Variants in USP36 observed in about 807,000 individuals in gnomAD.
USP36 encodes ubiquitin carboxyl-terminal hydrolase 36.
USP36 carries 59 observed loss-of-function variants against 111.5 expected under a neutral mutation model. The observed-to-expected ratio is 0.53, with a 90% CI of 0.43 to 0.66. The LOEUF is 0.66. USP36 is among the 30% of genes least tolerant of loss of function. The pLI, the probability that USP36 is intolerant of heterozygous loss-of-function variation, is 0.00. For missense variants in USP36, 1,488 were observed against 1,468.0 expected, an observed-to-expected ratio of 1.01 and a Z score of -0.22; for synonymous variants, 628 against 581.0, an observed-to-expected ratio of 1.08 and a Z score of -1.16.
chr17:78,802,761 A>C (rs530149508), intron 16 of USP36, among the ~76,000 whole-genome samples: 2 of 152,256 alleles, frequency 1.3e-5, no homozygotes, highest in African/African-American at 4.8e-5. Context: ...AACTGAGCCA[A>C]GCCTGTTGAC....
At chr17:78,836,516 A>G (rs2145663246) in intron 2 of USP36, 144 bp from the exon 3 acceptor site, 1 of 1,112,510 alleles carries the variant, frequency 9.0e-7, no homozygotes, top group East Asian at 2.6e-5. Flanking sequence ...TCAGCTGCAC[A>G]AAGGAAACAG....
chr17:78,838,516 A>G (rs1393072379), intron 2 of USP36, 71 bp downstream of exon 2: 1 of 137,484 alleles, frequency 7.3e-6, no homozygotes, highest in Non-Finnish European at 1.5e-5. Flanking sequence ...CACCAACTGA[A>G]CAATCACTGC....
chr17:78,804,625 TAAAAAAAAAAAAA>T (rs35371422), intron 15 of USP36, among the ~76,000 whole-genome samples: 1 of 38,310 alleles, frequency 2.6e-5, no homozygotes, highest in East Asian at 7.5e-4. Context: ...CCCTGAGATT[TAAAAAAAAAAAAA>T]AAAAAAAAAA....
At chr17:78,831,593 AAC>A (rs759593926) in intron 4 of USP36, among the ~76,000 whole-genome samples, 115 of 152,270 alleles carry the variant, frequency 7.6e-4, no homozygotes, top group Non-Finnish European at 1.4e-3. Context: ...CAGCATAAGC[AAC>A]AGAGACTCTG....
At position 78,803,286 on chromosome 17, in the gene USP36, G is replaced by T; in HGVS notation, c.2810+99C>A. ...CACATTTTAGAAAACCACGCAAGCAGACTACGTTTCCAGACCATACCTACT... is the reference window on the plus strand; with the variant it reads ...CACATTTTAGAAAACCACGCAAGCATACTACGTTTCCAGACCATACCTACT... On this transcript the variant is annotated intron_variant, in intron 16 of 20. Transcript: ENST00000449938. This position sits in a 1 kb window ranked among gnomAD's most constrained non-coding sequence, Gnocchi z 4.6. 7.5e-7 allele frequency: 1 copy of T among 1,332,782 alleles called. No individual in the cohort carries two copies. Among genetic ancestry groups the T allele is most frequent in the Non-Finnish European group, 1.0e-6 (1 of 963,708 alleles). The allele number at this position is 1,332,782 out of a possible 1,614,324, so 82.6% of individuals were successfully genotyped here. A position where few individuals can be genotyped will look rare whatever the true frequency, so the allele number is the denominator to read the frequency against.
chr17:78,833,281 CTTT>C (rs974043084), intron 4 of USP36, among the ~76,000 whole-genome samples: 1 of 151,966 alleles, frequency 6.6e-6, no homozygotes, highest in Non-Finnish European at 1.5e-5. Context: ...ATCTTGTGTT[CTTT>C]TTTTTATGTT....
chr17:78,815,308 G>A (rs899151354), intron 10 of USP36, among the ~76,000 whole-genome samples: 4 of 152,100 alleles, frequency 2.6e-5, no homozygotes, highest in African/African-American at 9.7e-5. Context: ...CTCCAGCCTC[G>A]CAACAGAGCG....
chr17:78,806,152 T>G lies in USP36; in HGVS notation c.2216+4A>C. 1 of 1,613,176 alleles carries G rather than the reference T, an allele frequency of 6.2e-7. No homozygotes were observed. The highest frequency in any genetic ancestry group is 8.5e-7 in the Non-Finnish European group (1 of 1,179,830). ...CACCCAGAAGATCCCGGCCCAAAGC[T>G]TACCTGGCTCTATGGACGGGCCAAG... On this transcript the variant is annotated splice_donor_region_variant and intron_variant, in intron 15 of 20. Coordinates refer to ENST00000449938, the MANE Select transcript of USP36 (RefSeq NM_001385174.1).
At position 78,829,029 on chromosome 17, in the gene USP36, C is replaced by T. The variant is rs112525474; in HGVS notation, c.476-22G>A. 1.0e-4 allele frequency: 160 copies of T among 1,605,766 alleles called. No homozygotes were observed. The African/African-American group carries it at 1.8e-3, about 18-fold the overall frequency. On this transcript the variant is annotated intron_variant, in intron 4 of 20. Coordinates refer to ENST00000449938, the MANE Select transcript of USP36 (RefSeq NM_001385174.1). ...TGGCCTGCCGGCGTGGAAGGAGGAG[C>T]AATTTTAAGACAAGAGCTTTCAAAG...
At chr17:78,788,176 T>A (rs58031704) in intron 3 of USP36, among the ~76,000 whole-genome samples, 5,607 of 152,216 alleles carry the variant, frequency 0.037, 204 homozygotes, top group African/African-American at 0.093. Context: ...TTATTTATTT[T>A]TTTTTTTGAG....
chr17:78,827,170 C>T (rs745904026), intron 6 of USP36, 75 bp downstream of exon 6: 40 of 1,487,338 alleles, frequency 2.7e-5, no homozygotes, highest in Non-Finnish European at 3.4e-5. Context: ...CTGGCTGTTG[C>T]CATAGGAATG....
intron 6 of USP36, among the ~76,000 whole-genome samples, chr17:78,824,657 C>T (rs1275188039): frequency 1.3e-5 from 2 of 152,162 alleles, no homozygotes; most frequent in Non-Finnish European, 2.9e-5. Context: ...AGTAAATATG[C>T]TACCTATAAT....
intron 10 of USP36, among the ~76,000 whole-genome samples, chr17:78,815,849 ATATG>A (rs1201461830): frequency 7.5e-6 from 1 of 133,988 alleles, no homozygotes; most frequent in East Asian, 2.3e-4. Flanking sequence ...ACACACACAC[ATATG>A]CATGCATACA....
intron 3 of USP36, among the ~76,000 whole-genome samples, chr17:78,789,670 G>A (rs1317409957): frequency 1.3e-5 from 2 of 152,214 alleles, no homozygotes; most frequent in East Asian, 3.8e-4. Context: ...CTTAAAATCT[G>A]TTTGTAATGG....
intron 12 of USP36, among the ~76,000 whole-genome samples, chr17:78,813,413 C>T (rs2094114079): frequency 6.6e-6 from 1 of 152,198 alleles, no homozygotes; most frequent in East Asian, 1.9e-4. Context: ...AGCACCCCCA[C>T]AAACACGTCC....
At chr17:78,791,183 G>A (rs1046547840), downstream of USP36, among the ~76,000 whole-genome samples, 22 of 146,958 alleles carry the variant, frequency 1.5e-4, no homozygotes, top group Admixed American at 1.5e-3. Flanking sequence ...TGCCCAGGCT[G>A]GAATGCAATG....
rs1472178772 is a variant in USP36 at position 78,798,191 on chromosome 17, A to ATAG, written c.*20+208_*20+209insCTA. On this transcript the variant is annotated intron_variant, in intron 20 of 20. Coordinates refer to ENST00000449938, the MANE Select transcript of USP36 (RefSeq NM_001385174.1). This position sits in a 1 kb window ranked among gnomAD's most constrained non-coding sequence, Gnocchi z 5.1. The stretch of plus-strand genomic sequence containing the variant: ...ACACGCATCCCACACACACCCCCTT[A>ATAG]TACACACGCATCCCACACACACCCT... The ATAG allele has an allele frequency of 1.0e-5, 6 of 597,366 alleles. No homozygotes were observed. Among genetic ancestry groups the ATAG allele is most frequent in the Non-Finnish European group, 1.7e-5 (6 of 347,270 alleles). The allele number at this position is 597,366 out of a possible 1,614,324, so 37.0% of individuals were successfully genotyped here. A position where few individuals can be genotyped will look rare whatever the true frequency, so the allele number is the denominator to read the frequency against.
rs892482883 is a variant in USP36, at chr17:78,813,946, G to C, written c.1165-73C>G. The C allele has an allele frequency of 5.9e-6, 8 of 1,349,124 alleles. No individual in the cohort carries two copies. In the Admixed American group the frequency reaches 8.3e-5, roughly 14 times the overall value. 83.6% of individuals were successfully genotyped at this position (1,349,124 alleles called of 1,614,324 possible). A position where few individuals can be genotyped will look rare whatever the true frequency, so the allele number is the denominator to read the frequency against. ...CCCATTATCCTCACTTTTTAAAAAG[G>C]GAATAAAAAATCTGTTAGTTGCTAC... is the stretch of plus-strand genomic sequence containing the variant. On this transcript the variant is annotated intron_variant, in intron 11 of 20. Transcript: ENST00000449938.
At chr17:78,792,796 G>GC (rs2144840804), downstream of USP36, among the ~76,000 whole-genome samples, 1 of 152,186 alleles carries the variant, frequency 6.6e-6, no homozygotes, top group Non-Finnish European at 1.5e-5. Flanking sequence ...TTGGCTCACT[G>GC]CAACCTCCAC....
Sources: allele counts gnomAD v4.1 joint callset (sites outside exome capture counted in the v4.1 genomes callset), GRCh38; gene constraint gnomAD v4.1.1; non-coding constraint Gnocchi (gnomAD v3.1); transcripts MANE v1.5; gene names NCBI Gene and HGNC (gene_info 2026-07-23, HGNC 2026-07-21).